TBPL2: variants seen among roughly 807,000 people sequenced by gnomAD.
TBPL2 encodes the protein TATA box-binding protein-like 2.
A neutral mutation model predicts 38.2 loss-of-function variants in TBPL2; 40 were observed. That is an observed-to-expected ratio of 1.05 (90% CI 0.81 to 1.36). The LOEUF (loss-of-function observed/expected upper bound fraction) is 1.36. TBPL2 is among the 40% of genes most tolerant of loss of function. The pLI is 0.00. For synonymous variants in TBPL2, 169 were observed against 171.7 expected (o/e 0.98, Z 0.12); for missense variants, 461 against 456.7 (o/e 1.01, Z -0.09).
intron 3 of TBPL2, 48 bp downstream of exon 3, chr14:55,435,798 TA>T (rs1886002607): frequency 7.8e-7 from 1 of 1,290,156 alleles, no homozygotes; most frequent in African/African-American, 1.6e-5. Flanking sequence ...TTAAGAAAAG[TA>T]AATCTAAAGA....
chr14:55,438,202 A>T (rs199922259), intron 1 of TBPL2, among the ~76,000 whole-genome samples: 4 of 152,200 alleles, frequency 2.6e-5, no homozygotes, highest in Non-Finnish European at 4.4e-5. Context: ...GCATCTTCTC[A>T]GTGACAATGC....
intron 6 of TBPL2, among the ~76,000 whole-genome samples, chr14:55,416,808 C>G (rs1041723766): frequency 6.6e-6 from 1 of 152,198 alleles, no homozygotes; most frequent in African/African-American, 2.4e-5. Flanking sequence ...ACACATGCCC[C>G]TCTCCCAAAA....
At chr14:55,435,725 A>G in intron 3 of TBPL2, 122 bp downstream of exon 3, 1 of 706,752 alleles carries the variant, frequency 1.4e-6, no homozygotes, top group Non-Finnish European at 2.3e-6. Flanking sequence ...TGAGTTGCCA[A>G]AAGCTTTTTC....
intron 6 of TBPL2, among the ~76,000 whole-genome samples, chr14:55,422,468 C>T (rs1028021814): frequency 6.6e-6 from 1 of 152,100 alleles, no homozygotes; most frequent in African/African-American, 2.4e-5. Context: ...CCAGGCTCAT[C>T]TTGAACTCCT....
intron 6 of TBPL2, among the ~76,000 whole-genome samples, chr14:55,423,879 TA>T (rs2140168634): frequency 6.6e-6 from 1 of 152,304 alleles, no homozygotes; most frequent in South Asian, 2.1e-4. Context: ...GAAGAGTTTG[TA>T]ACAGTAAGTT....
intron 6 of TBPL2, among the ~76,000 whole-genome samples, chr14:55,418,006 G>A (rs1049286743): frequency 3.3e-5 from 5 of 152,312 alleles, no homozygotes; most frequent in African/African-American, 7.2e-5. Flanking sequence ...GTAGAGTTGT[G>A]ATAAAGGATG....
chr14:55,429,562 G>A (rs888362000), intron 4 of TBPL2, among the ~76,000 whole-genome samples: 1 of 152,118 alleles, frequency 6.6e-6, no homozygotes, highest in Non-Finnish European at 1.5e-5. Context: ...ACAGTAGCTC[G>A]AGACCGGCCT....
In TBPL2 at chr14:55,433,735, C is replaced by A; in HGVS notation, c.697-14G>T. On this transcript the variant is annotated splice_polypyrimidine_tract_variant and intron_variant, in intron 3 of 6. Transcript: ENST00000247219. The stretch of plus-strand genomic sequence containing the variant: ...AGCAGCAAACCTCTATACCCAGAAA[C>A]CAAAAGAGAATTAGCCTCTGCTAGG... 1 of 1,611,800 alleles carries A rather than the reference C, an allele frequency of 6.2e-7. No individual in the cohort carries two copies. The highest frequency in any genetic ancestry group is 8.5e-7 in the Non-Finnish European group (1 of 1,178,848).
At chr14:55,437,691 TTTAAG>T (rs1277358142) in intron 1 of TBPL2, among the ~76,000 whole-genome samples, 4 of 152,258 alleles carry the variant, frequency 2.6e-5, no homozygotes, top group Non-Finnish European at 5.9e-5. Context: ...TACTGTATTA[TTTAAG>T]TTAATTATAA....
At chr14:55,433,874 AATG>A (rs1357716503) in intron 3 of TBPL2, among the ~76,000 whole-genome samples, 153 bp from the exon 4 acceptor site, 2 of 152,226 alleles carry the variant, frequency 1.3e-5, no homozygotes, top group Non-Finnish European at 2.9e-5. Context: ...TAACAAAAAT[AATG>A]ATGATTCTAA....
At chr14:55,418,111 T>C (rs1219693295) in intron 6 of TBPL2, among the ~76,000 whole-genome samples, 1 of 152,224 alleles carries the variant, frequency 6.6e-6, no homozygotes, top group Non-Finnish European at 1.5e-5. Context: ...GACATTGGCA[T>C]GGCTAGTCCA....
intron 6 of TBPL2, among the ~76,000 whole-genome samples, chr14:55,421,060 C>CAAAAAA (rs71131263): frequency 1.9e-5 from 2 of 107,576 alleles, no homozygotes; most frequent in Non-Finnish European, 1.8e-5. Flanking sequence ...GAATCTGTCT[C>CAAAAAA]AAAAAAAAAA....
chr14:55,429,548 G>A (rs1157266703), intron 4 of TBPL2, among the ~76,000 whole-genome samples: 1 of 152,186 alleles, frequency 6.6e-6, no homozygotes, highest in Non-Finnish European at 1.5e-5. Context: ...CAGCTCACCT[G>A]AGGACAGTAG....
intron 6 of TBPL2, among the ~76,000 whole-genome samples, chr14:55,415,280 T>C (rs1044559760): frequency 1.2e-4 from 18 of 152,232 alleles, no homozygotes; most frequent in Non-Finnish European, 2.2e-4. Context: ...GAAAGGACTA[T>C]AACAACTGTT....
chr14:55,414,362 G>A (rs761276001), exon 7 of TBPL2: 2 of 1,569,420 alleles, frequency 1.3e-6, no homozygotes, highest in South Asian at 1.2e-5. Flanking sequence ...AATAATGTGA[G>A]ATGCTGAATG....
At position 55,437,023 on chromosome 14, in the gene TBPL2, G is replaced by A. The variant is rs756744560; in HGVS notation, c.151-5C>T. On this transcript the variant is annotated splice_polypyrimidine_tract_variant and splice_region_variant and intron_variant, in intron 1 of 6. Coordinates refer to ENST00000247219, the Ensembl canonical transcript of TBPL2. ...CCTGGGTGGGGCAAGGCCATCCTAG[G>A]CAGTTCCCAAAACAGACAGACAAAA... 6.2e-7 allele frequency: 1 copy of A among 1,612,442 alleles called. No homozygotes were observed. The highest frequency in any genetic ancestry group is 1.7e-5 in the Admixed American group (1 of 59,972).
intron 6 of TBPL2, among the ~76,000 whole-genome samples, chr14:55,421,422 A>C (rs1885742701): frequency 6.6e-6 from 1 of 152,188 alleles, no homozygotes; most frequent in Non-Finnish European, 1.5e-5. Flanking sequence ...GTTTTGCTGC[A>C]TTCAAAACGT....
intron 1 of TBPL2, among the ~76,000 whole-genome samples, chr14:55,437,681 T>C (rs1451330110): frequency 6.6e-6 from 1 of 152,256 alleles, no homozygotes; most frequent in African/African-American, 2.4e-5. Context: ...AGAACAGATA[T>C]ACTGTATTAT....
exon 4 of TBPL2, chr14:55,433,669 A>G: frequency 6.2e-7 from 1 of 1,614,148 alleles, no homozygotes; most frequent in Non-Finnish European, 8.5e-7. Context: ...AGAGCTAAAT[A>G]TAAGGGCTGT....
Sources: gnomAD v4.1 joint callset for allele counts (sites outside exome capture counted in the v4.1 genomes callset) on GRCh38, gnomAD v4.1.1 for gene constraint, MANE v1.5 for transcripts, NCBI Gene and HGNC (gene_info 2026-07-23, HGNC 2026-07-21) for gene names.